HDAC9: variants seen among roughly 807,000 people sequenced by gnomAD.
HDAC9 encodes the protein histone deacetylase 9, also known as MEF-2 interacting transcription repressor (MITR) protein.
Under a neutral mutation model 139.4 loss-of-function variants are expected in HDAC9, and 41 were observed. The observed-to-expected ratio is 0.29, with a 90% CI of 0.23 to 0.38. The LOEUF (loss-of-function observed/expected upper bound fraction) is 0.38. HDAC9 is among the 10% of genes least tolerant of loss of function. The probability of loss-of-function intolerance (pLI) is 1.00; values close to 1 mark genes in which losing one functional copy is unlikely to be tolerated. For synonymous variants in HDAC9, 517 were observed against 476.2 expected (o/e 1.09, Z -1.12); for missense variants, 1,147 against 1,297.0 (o/e 0.88, Z 1.78).
In HDAC9 at chr7:18,987,543, C is replaced by T. The variant is rs372638939; in HGVS notation, c.3171-8480C>T. 8.5e-4 allele frequency among the ~76,000 whole-genome samples: 129 copies of T among 152,242 alleles called. 4 individuals are homozygous for T. The East Asian group carries it at 0.022, about 26-fold the overall frequency. ...CTAAAATTCTCTTTTTTGGTTGTGT[C>T]TCTGCCAGGCTTTGGTATCAGGATG... On this transcript the variant is annotated intron_variant, in intron 25 of 25. Coordinates refer to ENST00000686413, the MANE Select transcript of HDAC9 (RefSeq NM_178425.4).
chr7:18,112,786 C>G (rs916747178), intron 1 of HDAC9, among the ~76,000 whole-genome samples: 2 of 152,148 alleles, frequency 1.3e-5, no homozygotes, highest in African/African-American at 4.8e-5. Context: ...TATCAGCACA[C>G]AGTGGCTATA....
chr7:18,499,675 A>C (rs1797865483), intron 2 of HDAC9, among the ~76,000 whole-genome samples: 1 of 152,206 alleles, frequency 6.6e-6, no homozygotes, highest in African/African-American at 2.4e-5. Context: ...TATTGGAACA[A>C]TTATTATGAA....
intron 2 of HDAC9, among the ~76,000 whole-genome samples, chr7:18,168,833 T>C (rs1297051445): frequency 6.7e-6 from 1 of 148,854 alleles, no homozygotes; most frequent in East Asian, 2.0e-4. Flanking sequence ...TTGTGTTAAA[T>C]AAAATTGTTA....
At chr7:18,865,785 C>A (rs1298142471) in intron 21 of HDAC9, among the ~76,000 whole-genome samples, 1 of 152,018 alleles carries the variant, frequency 6.6e-6, no homozygotes, top group Non-Finnish European at 1.5e-5. Context: ...CTATAATGTG[C>A]ATTTTTGTTT....
intron 2 of HDAC9, among the ~76,000 whole-genome samples, chr7:18,211,161 A>G (rs577818659): frequency 6.6e-6 from 1 of 152,350 alleles, no homozygotes; most frequent in South Asian, 2.1e-4. Context: ...ATCAGTGACT[A>G]TCTAATCAGC....
At chr7:18,785,840 A>G (rs902454835) in intron 16 of HDAC9, among the ~76,000 whole-genome samples, 1 of 152,098 alleles carries the variant, frequency 6.6e-6, no homozygotes, top group African/African-American at 2.4e-5. Flanking sequence ...TCTGAATTTC[A>G]TATATAAAAC....
chr7:18,782,262 T>C lies in HDAC9; in HGVS notation c.2215-11083T>C, dbSNP rs527611863. Among the ~76,000 whole-genome samples, 42 of 152,238 alleles carry C rather than the reference T, an allele frequency of 2.8e-4. No individual in the cohort carries two copies. In the Middle Eastern group the frequency reaches 0.01, roughly 37 times the overall value. On this transcript the variant is annotated intron_variant, in intron 16 of 25. Coordinates refer to ENST00000686413, the MANE Select transcript of HDAC9 (RefSeq NM_178425.4). ...TACCACATTAAACATGCACAGTGCATATGAAACCTGTTTTGTTAATGGGCA... is the reference window on the plus strand; with the variant it reads ...TACCACATTAAACATGCACAGTGCACATGAAACCTGTTTTGTTAATGGGCA...
At chr7:18,718,223 TG>T (rs1458429640) in intron 12 of HDAC9, among the ~76,000 whole-genome samples, 1 of 152,010 alleles carries the variant, frequency 6.6e-6, no homozygotes, top group Non-Finnish European at 1.5e-5. Context: ...GTATGGTATG[TG>T]TTTTTTTGTT....
chr7:18,469,880 C>T (rs1296896628), intron 1 of HDAC9, among the ~76,000 whole-genome samples: 1 of 152,106 alleles, frequency 6.6e-6, no homozygotes, highest in Non-Finnish European at 1.5e-5. Context: ...TGTCACCCAG[C>T]TTGACGCCCA....
chr7:18,975,970 C>A lies in HDAC9; in HGVS notation c.3170+17C>A, dbSNP rs150985559. On this transcript the variant is annotated intron_variant, in intron 25 of 25. Coordinates refer to ENST00000686413, the MANE Select transcript of HDAC9 (RefSeq NM_178425.4). ...AGACAGCAGGTATGAATCCAACGTG[C>A]GGGAATAATCCGGGTCAGTCATATC... is the stretch of plus-strand genomic sequence containing the variant. 6 of 1,610,398 alleles carry A rather than the reference C, an allele frequency of 3.7e-6. No individual in the cohort carries two copies. In the African/African-American group the frequency reaches 6.7e-5, roughly 18 times the overall value.
rs900537579 is a variant in HDAC9 at position 19,000,889 on chromosome 7, T to C, written c.*4827T>C. 10 of 152,208 alleles carry C rather than the reference T, an allele frequency of 6.6e-5. No individual in the cohort carries two copies. The allele number at this position is 152,208 out of a possible 1,614,324, so 9.4% of individuals were successfully genotyped here. A position where few individuals can be genotyped will look rare whatever the true frequency, so the allele number is the denominator to read the frequency against. ...CTTAGTAGAAATGACCTTGACAACT[T>C]ATTTTCTGAGATACCACTAGGCCTA... On this transcript the variant is annotated 3_prime_UTR_variant, in exon 26 of 26. Transcript: ENST00000686413.
chr7:18,256,006 G>C (rs1445641237), intron 2 of HDAC9, among the ~76,000 whole-genome samples: 1 of 152,076 alleles, frequency 6.6e-6, no homozygotes. Flanking sequence ...AGCCTTAATT[G>C]CTGAGATGAT....
chr7:18,102,929 A>G (rs1782942621), intron 1 of HDAC9, among the ~76,000 whole-genome samples: 1 of 152,226 alleles, frequency 6.6e-6, no homozygotes, highest in African/African-American at 2.4e-5. Context: ...CAGAGCAACA[A>G]GATTTTTAAA....
intron 13 of HDAC9, among the ~76,000 whole-genome samples, chr7:18,744,400 C>T (rs1208852630): frequency 2.0e-5 from 3 of 152,154 alleles, no homozygotes; most frequent in Admixed American, 2.0e-4. Flanking sequence ...AGGAGAATGC[C>T]ATGTCATATA....
intron 1 of HDAC9, among the ~76,000 whole-genome samples, chr7:18,138,420 C>G (rs1307983923): frequency 1.3e-5 from 2 of 151,764 alleles, no homozygotes; most frequent in Non-Finnish European, 2.9e-5. Flanking sequence ...GGGTTTAGAA[C>G]TCCTGGTTTT....
intron 1 of HDAC9, among the ~76,000 whole-genome samples, chr7:18,369,150 T>C (rs1257745915): frequency 6.6e-6 from 1 of 152,130 alleles, no homozygotes; most frequent in Non-Finnish European, 1.5e-5. Context: ...TTAAAATAAT[T>C]TAGTAGATCC....
At chr7:18,197,263 G>T (rs1790791423) in intron 2 of HDAC9, among the ~76,000 whole-genome samples, 1 of 152,072 alleles carries the variant, frequency 6.6e-6, no homozygotes, top group South Asian at 2.1e-4. Context: ...TTTCTCTGGA[G>T]AACCCTGACT....
intron 24 of HDAC9, among the ~76,000 whole-genome samples, chr7:18,963,051 A>G (rs1028328669): frequency 2.6e-5 from 4 of 152,172 alleles, no homozygotes; most frequent in African/African-American, 7.2e-5. Flanking sequence ...CTTCCCAAGT[A>G]TAGACACTAT....
chr7:18,406,535 A>G (rs1259504308), intron 1 of HDAC9, among the ~76,000 whole-genome samples: 5 of 152,112 alleles, frequency 3.3e-5, no homozygotes, highest in Non-Finnish European at 5.9e-5. Context: ...CTGGGACTAC[A>G]GGTGCCTGCC....
Sources: allele counts gnomAD v4.1 joint callset (sites outside exome capture counted in the v4.1 genomes callset), GRCh38; gene constraint gnomAD v4.1.1; transcripts MANE v1.5; gene names NCBI Gene and HGNC (gene_info 2026-07-23, HGNC 2026-07-21).